Variants in PSG4 observed in about 807,000 individuals in gnomAD.
PSG4 encodes the protein pregnancy specific beta-1-glycoprotein 4, also known as pregnancy-specific beta-1-glycoprotein 4.
Under a neutral mutation model 44.3 loss-of-function variants are expected in PSG4, and 61 were observed. That is an observed-to-expected ratio of 1.38 (90% CI 1.12 to 1.70). The LOEUF (loss-of-function observed/expected upper bound fraction) is 1.70, where lower values mean the gene tolerates loss of function less well. Ranked by LOEUF, PSG4 falls within the 40% of genes most tolerant of loss-of-function variation. The pLI, the probability that PSG4 is intolerant of heterozygous loss-of-function variation, is 0.00. For synonymous variants in PSG4, 248 were observed against 191.3 expected, an observed-to-expected ratio of 1.30 and a Z score of -2.45; for missense variants, 677 against 511.7, an observed-to-expected ratio of 1.32 and a Z score of -3.12.
At chr19:43,197,532 A>C (rs1370751808) in intron 3 of PSG4, among the ~76,000 whole-genome samples, 6 of 140,486 alleles carry the variant, frequency 4.3e-5, no homozygotes, top group South Asian at 2.2e-4. Flanking sequence ...GGCAGGAGAG[A>C]TTGGGGAATT....
At chr19:43,198,371 C>A in intron 2 of PSG4, 96 bp from the exon 3 acceptor site, 1 of 1,486,612 alleles carries the variant, frequency 6.7e-7, no homozygotes, top group Non-Finnish European at 8.9e-7. Context: ...ACCTCTCAGC[C>A]CACCCAAGTC....
In PSG4 at chr19:43,195,341, T is replaced by A. The variant is rs1967196014; in HGVS notation, c.710-68A>T. On this transcript the variant is annotated intron_variant, in intron 3 of 5. Transcript: ENST00000405312. The stretch of plus-strand genomic sequence containing the variant: ...TGATTCCTCCACAGGCATACTTCAA[T>A]CAGAGTTGGCATCTCCCACCTCTCA... The A allele has an allele frequency of 1.5e-5, 23 of 1,579,944 alleles. No individual in the cohort carries two copies. In the South Asian group the frequency reaches 2.3e-4, roughly 16 times the overall value.
chr19:43,204,172 C>T lies in PSG4; in HGVS notation c.144G>A (p.Gly48=). ...IEAQPPKVSE[G]KDVLLLVHNL... ...TGTGGACAAGTAGAAGAACATCCTT[C>T]CCCTCAGAAACTTTGGGTGGCTGGG... The change falls in exon 2 of 6, where the codon GGG becomes GGA. Residue 48 remains glycine, a synonymous_variant. Transcript: ENST00000405312. 2.5e-6 allele frequency: 4 copies of T among 1,586,746 alleles called. No individual in the cohort carries two copies. Among genetic ancestry groups the T allele is most frequent in the Non-Finnish European group, 3.4e-6 (4 of 1,171,346 alleles).
chr19:43,199,692 C>T (rs532757927), intron 2 of PSG4, among the ~76,000 whole-genome samples: 2 of 144,954 alleles, frequency 1.4e-5, no homozygotes, highest in Admixed American at 1.4e-4. Context: ...GGAATTTAGA[C>T]CTCATGTTGT....
At position 43,204,450 on chromosome 19, in the gene PSG4, C is replaced by G. The variant is rs1599783365; in HGVS notation, c.65-199G>C. The G allele has an allele frequency of 2.6e-5, 20 of 778,340 alleles. 6 individuals carry two copies. In the East Asian group the frequency reaches 8.0e-4, roughly 31 times the overall value. 48.2% of individuals were successfully genotyped at this position (778,340 alleles called of 1,614,324 possible). On this transcript the variant is annotated intron_variant, in intron 1 of 5. Coordinates refer to ENST00000405312, the MANE Select transcript of PSG4 (RefSeq NM_002780.5). ...CTAGGTCAAGATCAGCAGCATGACC[C>G]CCATTCCTTCAACACTTCTGACCTT...
In PSG4 at chr19:43,193,767, A is replaced by G. The variant is rs1376518127; in HGVS notation, c.1244-379T>C. Reference sequence around the variant, plus strand: ...TCATTCTATCTATATTCTTGAATATAACATCCCAGTCAAAGCCTTGGTAAT... The same window carrying G: ...TCATTCTATCTATATTCTTGAATATGACATCCCAGTCAAAGCCTTGGTAAT... On this transcript the variant is annotated intron_variant, in intron 5 of 5. Coordinates refer to ENST00000405312, the MANE Select transcript of PSG4 (RefSeq NM_002780.5). The G allele has an allele frequency of 1.7e-5, 9 of 532,140 alleles. No individual in the cohort carries two copies. In the South Asian group the frequency reaches 2.2e-4, roughly 13 times the overall value. 33.0% of individuals were successfully genotyped at this position (532,140 alleles called of 1,614,324 possible). A position where few individuals can be genotyped will look rare whatever the true frequency, so the allele number is the denominator to read the frequency against.
intron 3 of PSG4, 176 bp downstream of exon 3, chr19:43,197,821 T>C (rs1367510052): frequency 1.2e-5 from 15 of 1,279,130 alleles, no homozygotes; most frequent in East Asian, 3.4e-5. Flanking sequence ...TTTTCTCCTA[T>C]TGTGGATCAA....
At chr19:43,204,440 C>T (rs1322330279) in intron 1 of PSG4, 189 bp from the exon 2 acceptor site, 20 of 816,660 alleles carry the variant, frequency 2.4e-5, no homozygotes, top group Non-Finnish European at 3.6e-5. Context: ...TCAAGATCAG[C>T]AGCATGACCC....
rs148673819 is a variant in PSG4 at position 43,193,250 on chromosome 19, G to T, written c.*122C>A. 4 of 766,366 alleles carry T rather than the reference G, an allele frequency of 5.2e-6. No individual in the cohort carries two copies. Among genetic ancestry groups the T allele is most frequent in the African/African-American group, 5.1e-5 (3 of 58,872 alleles). The allele number at this position is 766,366 out of a possible 1,614,324, so 47.5% of individuals were successfully genotyped here. On this transcript the variant is annotated 3_prime_UTR_variant, in exon 6 of 6. Transcript: ENST00000405312. ...TGAGTGGCTCACATGTCAGGTACAA[G>T]GGTTTTCCCATGAAATTTACATCGA... is the stretch of plus-strand genomic sequence containing the variant.
chr19:43,194,903 T>C, intron 4 of PSG4, 92 bp downstream of exon 4: 1 of 1,567,794 alleles, frequency 6.4e-7, no homozygotes, highest in South Asian at 1.2e-5. Context: ...AAGGTGTCTA[T>C]ACTTGGACTG....
chr19:43,195,047 T>G lies in PSG4; in HGVS notation c.936A>C (p.Ile312=). 21 of 1,611,888 alleles carry G rather than the reference T, an allele frequency of 1.3e-5. 1 individual carries two copies. Among genetic ancestry groups the G allele is most frequent in the Non-Finnish European group, 1.8e-5 (21 of 1,179,044 alleles). ...TGCGGATGCCACCATATCGGTCCCG[T>G]ATTTCACATTGATAAGGTCCTGTTT... ...RNETGPYQCE[I]RDRYGGIRSD... The change falls in exon 4 of 6, where the codon ATA becomes ATC. Residue 312 remains isoleucine, a synonymous_variant. Coordinates refer to ENST00000405312, the MANE Select transcript of PSG4 (RefSeq NM_002780.5).
chr19:43,196,951 T>G (rs749053314), intron 3 of PSG4: 1 of 146,592 alleles, frequency 6.8e-6, no homozygotes, highest in Non-Finnish European at 1.5e-5. Context: ...ACAATATTGA[T>G]TCTTCCAATC....
Position 43,199,122 on chromosome 19 carries a change from A to T in PSG4, c.431-847T>A, listed in dbSNP as rs555409250. ...ACTGGTGGAAAGGGCGAACATGAACAGATGATGGAAGTCTGGCCCTCATGG... is the reference window on the plus strand; with the variant it reads ...ACTGGTGGAAAGGGCGAACATGAACTGATGATGGAAGTCTGGCCCTCATGG... On this transcript the variant is annotated intron_variant, in intron 2 of 5. Transcript: ENST00000405312. Among the ~76,000 whole-genome samples, 79 of 146,498 alleles carry T rather than the reference A, an allele frequency of 5.4e-4. 16 individuals are homozygous for T. In the East Asian group the frequency reaches 0.016, roughly 30 times the overall value.
In PSG4 at chr19:43,203,696, A is replaced by G. The variant is rs1046577029; in HGVS notation, c.430+190T>C. 2.0e-4 allele frequency: 219 copies of G among 1,113,284 alleles called. 9 individuals are homozygous for G. The highest frequency in any genetic ancestry group is 3.6e-4 in the Admixed American group (15 of 41,336). The allele number at this position is 1,113,284 out of a possible 1,614,324, so 69.0% of individuals were successfully genotyped here. A position where few individuals can be genotyped will look rare whatever the true frequency, so the allele number is the denominator to read the frequency against. On this transcript the variant is annotated intron_variant, in intron 2 of 5. Transcript: ENST00000405312. ...CTGCAGCGAGTGTCTGCAGGGTCTG[A>G]ATGCGGGAAAGGAATTCTGATCTGT...
At position 43,201,854 on chromosome 19, in the gene PSG4, A is replaced by G. The variant is rs184051061; in HGVS notation, c.430+2032T>C. On this transcript the variant is annotated intron_variant, in intron 2 of 5. Coordinates refer to ENST00000405312, the MANE Select transcript of PSG4 (RefSeq NM_002780.5). ...GTGTGTGTGTGTGCAGAAGGCCAGAAGAACTTGTCTGGCAATTATGAGTGG... is the reference window on the plus strand; with the variant it reads ...GTGTGTGTGTGTGCAGAAGGCCAGAGGAACTTGTCTGGCAATTATGAGTGG... Among the ~76,000 whole-genome samples, 289 of 143,458 alleles carry G rather than the reference A, an allele frequency of 2.0e-3. 59 individuals carry two copies. The highest frequency in any genetic ancestry group is 7.5e-3 in the African/African-American group (278 of 37,202). The allele number at this position is 143,458 out of a possible 152,430, so 94.1% of individuals were successfully genotyped here.
intron 2 of PSG4, among the ~76,000 whole-genome samples, chr19:43,202,376 G>T (rs1568389150): frequency 6.9e-6 from 1 of 144,368 alleles, no homozygotes; most frequent in Non-Finnish European, 1.5e-5. Flanking sequence ...GAGGTGGGGT[G>T]GCTTTAGGGG....
intron 5 of PSG4, 172 bp from the exon 6 acceptor site, chr19:43,193,560 A>C: frequency 1.6e-6 from 1 of 632,634 alleles, no homozygotes; most frequent in East Asian, 2.7e-5. Flanking sequence ...AGTTTCTTCA[A>C]ACGTGGTCTG....
At position 43,193,306 on chromosome 19, in the gene PSG4, G is replaced by C. The variant is rs900862095; in HGVS notation, c.*66C>G. The C allele has an allele frequency of 2.2e-5, 17 of 774,364 alleles. 1 individual carries two copies. In the South Asian group the frequency reaches 2.3e-4, roughly 10 times the overall value. The allele number at this position is 774,364 out of a possible 1,614,324, so 48.0% of individuals were successfully genotyped here. A position where few individuals can be genotyped will look rare whatever the true frequency, so the allele number is the denominator to read the frequency against. On this transcript the variant is annotated 3_prime_UTR_variant, in exon 6 of 6. Transcript: ENST00000405312. ...CCACCTCCAGCTTATAGGGCTTCTGGAACAGAGTGGGTCTTGCTCTTCGTG... is the reference window on the plus strand; with the variant it reads ...CCACCTCCAGCTTATAGGGCTTCTGCAACAGAGTGGGTCTTGCTCTTCGTG...
rs529803746 is a variant in PSG4, at chr19:43,194,470, C to G, written c.1113G>C (p.Lys371Asn). 3.7e-6 allele frequency: 6 copies of G among 1,612,496 alleles called. No individual in the cohort carries two copies. The highest frequency in any genetic ancestry group is 1.1e-5 in the South Asian group (1 of 91,034). The change falls in exon 5 of 6, where the codon AAG becomes AAC. Residue 371 changes from lysine to asparagine, a missense_variant. Physicochemically the swap from Lys to Asn is moderately conservative, Grantham distance 94 (BLOSUM62 0). Transcript: ENST00000405312. ...AGAGCTTTTGTCCTGATAGCTGAAA[C>G]TTCCCATTAATTGTCCAAGAATATT... ...RAQYSWTING[K>N]FQLSGQKLSI...
Sources: allele counts gnomAD v4.1 joint callset (sites outside exome capture counted in the v4.1 genomes callset), GRCh38; gene constraint gnomAD v4.1.1; transcripts MANE v1.5; gene names NCBI Gene and HGNC (gene_info 2026-07-23, HGNC 2026-07-21).